CSRNP3: variants seen among roughly 807,000 people sequenced by gnomAD.
CSRNP3 encodes cysteine and serine rich nuclear protein 3.
In CSRNP3, 12 loss-of-function variants were observed where a neutral mutation model predicts 48.0. That is an observed-to-expected ratio of 0.25 (90% CI 0.16 to 0.41). The LOEUF is 0.41. Among genes scored for constraint, CSRNP3 ranks in the 10% least tolerant of loss-of-function variants. The pLI, the probability that CSRNP3 is intolerant of heterozygous loss-of-function variation, is 1.00. For synonymous variants in CSRNP3, 263 were observed against 269.7 expected (o/e 0.98, Z 0.24); for missense variants, 580 against 724.4 (o/e 0.80, Z 2.29).
In CSRNP3 at chr2:165,611,363, A is replaced by ATGTGTGTGTG. The variant is rs1553479605; in HGVS notation, c.148+16158_148+16167dup. On this transcript the variant is annotated intron_variant, in intron 4 of 6. Coordinates refer to ENST00000651982, the MANE Select transcript of CSRNP3 (RefSeq NM_001172173.2). ...GCTAGATTTAACCATTTCACGATAT[A>ATGTGTGTGTG]TGTGTGTGTGTGTGTGTATATACAT... Among the ~76,000 whole-genome samples, 346 of 104,768 alleles carry ATGTGTGTGTG rather than the reference A, an allele frequency of 3.3e-3. 1 individual carries two copies. The highest frequency in any genetic ancestry group is 9.6e-3 in the African/African-American group (327 of 34,078). The allele number at this position is 104,768 out of a possible 152,430, so 68.7% of individuals were successfully genotyped here.
chr2:165,564,070 T>C (rs1685268096), intron 3 of CSRNP3, among the ~76,000 whole-genome samples: 1 of 152,088 alleles, frequency 6.6e-6, no homozygotes, highest in South Asian at 2.1e-4. Context: ...ATGGAAATAG[T>C]TACGTGAACC....
At chr2:165,669,293 GTTTTA>G (rs1408779181) in intron 5 of CSRNP3, among the ~76,000 whole-genome samples, 2 of 151,884 alleles carry the variant, frequency 1.3e-5, no homozygotes, top group African/African-American at 4.8e-5. Context: ...TTTGTTTTTT[GTTTTA>G]TTTTGTTTTG....
At chr2:165,617,529 C>T (rs1360694481) in intron 4 of CSRNP3, among the ~76,000 whole-genome samples, 2 of 152,300 alleles carry the variant, frequency 1.3e-5, no homozygotes, top group South Asian at 4.1e-4. Flanking sequence ...GGACAATCCT[C>T]AGGCCCCTAG....
At chr2:165,633,500 T>C (rs1375648607) in intron 4 of CSRNP3, among the ~76,000 whole-genome samples, 2 of 152,260 alleles carry the variant, frequency 1.3e-5, no homozygotes, top group Non-Finnish European at 2.9e-5. Flanking sequence ...GCAGCTTCTT[T>C]CGTCTTGCTT....
In CSRNP3 at chr2:165,503,267, G is replaced by A. The variant is rs909038725; in HGVS notation, c.-113+8339G>A. Reference sequence around the variant, plus strand: ...CATTTGAAAATTTTATTGGCATATTGTGTGAAATTTAGAGATAATTTTCCT... The same window carrying A: ...CATTTGAAAATTTTATTGGCATATTATGTGAAATTTAGAGATAATTTTCCT... On this transcript the variant is annotated intron_variant, in intron 2 of 6. Transcript: ENST00000651982. 2.0e-5 allele frequency among the ~76,000 whole-genome samples: 3 copies of A among 151,804 alleles called. No homozygotes were observed. The East Asian group carries it at 5.8e-4, about 29-fold the overall frequency.
At chr2:165,494,690 T>G (rs1684263545) in intron 1 of CSRNP3, 69 bp from the exon 2 acceptor site, 1 of 157,142 alleles carries the variant, frequency 6.4e-6, no homozygotes, top group South Asian at 2.0e-4. Flanking sequence ...CCCAAATGAC[T>G]TTGAGACTTT....
chr2:165,609,465 G>GAAAAAAAAAAAAAAAAAAAAAAAAAAA (rs34249194), intron 4 of CSRNP3, among the ~76,000 whole-genome samples: 1 of 97,572 alleles, frequency 1.0e-5, no homozygotes, highest in Non-Finnish European at 1.9e-5. Flanking sequence ...TCTAAAAAAA[G>GAAAAAAAAAAAAAAAAAAAAAAAAAAA]AAAAAAAAAA....
At chr2:165,601,248 GA>G (rs897396852) in intron 4 of CSRNP3, among the ~76,000 whole-genome samples, 4 of 152,172 alleles carry the variant, frequency 2.6e-5, no homozygotes, top group Non-Finnish European at 2.9e-5. Context: ...AGAAACTAGA[GA>G]GGAATGATTT....
At chr2:165,526,281 C>T (rs1048019055) in intron 3 of CSRNP3, among the ~76,000 whole-genome samples, 6 of 151,970 alleles carry the variant, frequency 3.9e-5, no homozygotes, top group South Asian at 2.1e-4. Context: ...AGATTTTGAT[C>T]GGAAAATTTA....
At chr2:165,545,130 A>G (rs1280584466) in intron 3 of CSRNP3, among the ~76,000 whole-genome samples, 1 of 152,168 alleles carries the variant, frequency 6.6e-6, no homozygotes, top group African/African-American at 2.4e-5. Flanking sequence ...CACCATGGAG[A>G]CCACTGGTGG....
intron 4 of CSRNP3, among the ~76,000 whole-genome samples, chr2:165,618,414 G>A (rs183756637): frequency 2.6e-5 from 4 of 152,256 alleles, no homozygotes; most frequent in Admixed American, 1.3e-4. Flanking sequence ...TCTTCTCTGC[G>A]AAGCATGTTA....
intron 4 of CSRNP3, among the ~76,000 whole-genome samples, chr2:165,595,543 T>C (rs78583471): frequency 6.6e-6 from 1 of 152,192 alleles, no homozygotes; most frequent in African/African-American, 2.4e-5. Flanking sequence ...AAAAAAAAAG[T>C]ATCCTTTCAT....
chr2:165,546,480 C>G (rs1685027831), intron 3 of CSRNP3, among the ~76,000 whole-genome samples: 1 of 152,122 alleles, frequency 6.6e-6, no homozygotes, highest in Admixed American at 6.5e-5. Flanking sequence ...CATGAGCCAC[C>G]AAGCCTAGCC....
intron 3 of CSRNP3, among the ~76,000 whole-genome samples, chr2:165,537,878 A>G (rs1684902116): frequency 1.3e-5 from 2 of 151,972 alleles, no homozygotes; most frequent in South Asian, 2.1e-4. Flanking sequence ...GATTTGTTCA[A>G]TTCAGAAACA....
chr2:165,676,310 A>G lies in CSRNP3; in HGVS notation c.409-2A>G. ...CTCTTATTTGCTGCTTTGTGTTTTT[A>G]GATGACTAAGAATGGCACAGTAGAA... On this transcript the variant is annotated splice_acceptor_variant, in intron 5 of 6. Coordinates refer to ENST00000651982, the MANE Select transcript of CSRNP3 (RefSeq NM_001172173.2). LOFTEE classifies it high-confidence loss of function. 6.2e-7 allele frequency: 1 copy of G among 1,610,706 alleles called. No homozygotes were observed. Among genetic ancestry groups the G allele is most frequent in the Non-Finnish European group, 8.5e-7 (1 of 1,177,866 alleles).
intron 4 of CSRNP3, among the ~76,000 whole-genome samples, chr2:165,618,421 G>A (rs1686287196): frequency 6.6e-6 from 1 of 152,148 alleles, no homozygotes; most frequent in Admixed American, 6.6e-5. Flanking sequence ...TGCGAAGCAT[G>A]TTATCTTATT....
chr2:165,675,010 G>C (rs1004559007), intron 5 of CSRNP3, among the ~76,000 whole-genome samples: 2 of 151,864 alleles, frequency 1.3e-5, no homozygotes, highest in Non-Finnish European at 2.9e-5. Flanking sequence ...ACTGCACCTG[G>C]CCTTTGTGAT....
At chr2:165,666,038 A>AGGAC (rs1233353722) in intron 5 of CSRNP3, among the ~76,000 whole-genome samples, 1 of 35,402 alleles carries the variant, frequency 2.8e-5, no homozygotes, top group Non-Finnish European at 7.0e-5. Context: ...AGAGGAAGGG[A>AGGAC]GGAAGGAAGG....
chr2:165,666,122 AAAGG>A (rs771470816), intron 5 of CSRNP3, among the ~76,000 whole-genome samples: 9,661 of 109,368 alleles, frequency 0.088, 754 homozygotes, highest in East Asian at 0.14. Context: ...AGAGAGAGAG[AAAGG>A]AAGGAAGGAA....
Sources: allele counts gnomAD v4.1 joint callset (sites outside exome capture counted in the v4.1 genomes callset), GRCh38; gene constraint gnomAD v4.1.1; transcripts MANE v1.5; gene names NCBI Gene and HGNC (gene_info 2026-07-23, HGNC 2026-07-21).